Variants in SLC2A2 observed in about 807,000 individuals in gnomAD.
SLC2A2 encodes solute carrier family 2 member 2, also known as solute carrier family 2, facilitated glucose transporter member 2.
A neutral mutation model predicts 54.5 loss-of-function variants in SLC2A2; 36 were observed. The observed-to-expected ratio is 0.66, with a 90% CI of 0.51 to 0.87. The LOEUF is 0.87. Among genes scored for constraint, SLC2A2 ranks in the 40% least tolerant of loss-of-function variants. SLC2A2 has a pLI of 0.00. For synonymous variants in SLC2A2, 223 were observed against 219.1 expected (o/e 1.02, Z -0.16); for missense variants, 543 against 624.3 (o/e 0.87, Z 1.39).
chr3:170,997,880 T>C lies in SLC2A2; in HGVS notation c.*23A>G, dbSNP rs1408135344. 3 of 1,590,522 alleles carry C rather than the reference T, an allele frequency of 1.9e-6. No homozygotes were observed. In the African/African-American group the frequency reaches 4.0e-5, roughly 21 times the overall value. On this transcript the variant is annotated 3_prime_UTR_variant, in exon 11 of 11. Coordinates refer to ENST00000314251, the MANE Select transcript of SLC2A2 (RefSeq NM_000340.2). ...ACGGTTCCCTTATTGTTTCTGTTCA[T>C]GTCAAAAAGCAGGGTTTTTTTTTTA...
At chr3:171,008,623 C>A (rs978759403) in intron 4 of SLC2A2, among the ~76,000 whole-genome samples, 8 of 151,734 alleles carry the variant, frequency 5.3e-5, no homozygotes, top group African/African-American at 1.9e-4. Flanking sequence ...TCAATTTTAC[C>A]AAAAACATTT....
At chr3:171,000,253 G>GA (rs1715282205) in intron 8 of SLC2A2, among the ~76,000 whole-genome samples, 1 of 151,958 alleles carries the variant, frequency 6.6e-6, no homozygotes, top group South Asian at 2.1e-4. Flanking sequence ...AAGGAAGTTG[G>GA]AAAAAACAGA....
rs989671951 is a variant in SLC2A2 at position 170,997,655 on chromosome 3, A to G, written c.*248T>C. On this transcript the variant is annotated 3_prime_UTR_variant, in exon 11 of 11. Coordinates refer to ENST00000314251, the MANE Select transcript of SLC2A2 (RefSeq NM_000340.2). ...GAACAGAGCTAAAAATATTAGAACC[A>G]CCTGCCCTTTAGTGTAACAAAATAA... 7 of 481,404 alleles carry G rather than the reference A, an allele frequency of 1.5e-5. No individual in the cohort carries two copies. Among genetic ancestry groups the G allele is most frequent in the Non-Finnish European group, 2.6e-5 (7 of 272,348 alleles). 29.8% of individuals were successfully genotyped at this position (481,404 alleles called of 1,614,324 possible).
chr3:171,008,081 C>A (rs1177708703), intron 4 of SLC2A2, among the ~76,000 whole-genome samples: 1 of 151,988 alleles, frequency 6.6e-6, no homozygotes, highest in Non-Finnish European at 1.5e-5. Context: ...TATCGACAGG[C>A]AAGGCTGAAT....
chr3:171,003,561 G>A (rs1391592580), intron 7 of SLC2A2, among the ~76,000 whole-genome samples: 6 of 151,660 alleles, frequency 4.0e-5, no homozygotes, highest in Non-Finnish European at 7.4e-5. Flanking sequence ...GACTATTGAC[G>A]TTTTTAAAAA....
chr3:171,001,232 TTA>T (rs1715318602), intron 8 of SLC2A2, among the ~76,000 whole-genome samples: 1 of 152,072 alleles, frequency 6.6e-6, no homozygotes, highest in African/African-American at 2.4e-5. Context: ...GAAAATCCTA[TTA>T]TACACAAAAT....
At chr3:171,018,026 T>A (rs184545310) in intron 2 of SLC2A2, among the ~76,000 whole-genome samples, 2,690 of 152,228 alleles carry the variant, frequency 0.018, 77 homozygotes, top group African/African-American at 0.061. Flanking sequence ...TAGGGCTTCT[T>A]AAGGTTTTAA....
chr3:171,024,580 C>G (rs1270277340), intron 1 of SLC2A2, among the ~76,000 whole-genome samples: 1 of 152,158 alleles, frequency 6.6e-6, no homozygotes, highest in African/African-American at 2.4e-5. Flanking sequence ...GGTGATCTTG[C>G]ATGCAACTTT....
chr3:171,014,805 G>A, intron 2 of SLC2A2, 74 bp from the exon 3 acceptor site: 1 of 1,234,148 alleles, frequency 8.1e-7, no homozygotes, highest in Non-Finnish European at 1.2e-6. Flanking sequence ...TAAAGTGTTT[G>A]TTACGTGTTT....
rs531769199 is a variant in SLC2A2, at chr3:171,012,122, T to C, written c.372-2040A>G. Among the ~76,000 whole-genome samples, 17 of 152,272 alleles carry C rather than the reference T, an allele frequency of 1.1e-4. No homozygotes were observed. In the South Asian group the frequency reaches 1.7e-3, roughly 15 times the overall value. On this transcript the variant is annotated intron_variant, in intron 3 of 10. Transcript: ENST00000314251. ...GTCATGGTCATTGTCGTCATCATCATCATCATCATCATCATCAAAATGAGG... is the reference window on the plus strand; with the variant it reads ...GTCATGGTCATTGTCGTCATCATCACCATCATCATCATCATCAAAATGAGG...
At position 170,998,115 on chromosome 3, in the gene SLC2A2, G is replaced by T; in HGVS notation, c.1375-12C>A. 1 of 1,613,532 alleles carries T rather than the reference G, an allele frequency of 6.2e-7. No individual in the cohort carries two copies. Among genetic ancestry groups the T allele is most frequent in the Admixed American group, 1.7e-5 (1 of 59,864 alleles). On this transcript the variant is annotated splice_polypyrimidine_tract_variant and intron_variant, in intron 10 of 10. Coordinates refer to ENST00000314251, the MANE Select transcript of SLC2A2 (RefSeq NM_000340.2). ...GGTCCACAGAAGTCCTGGATAGAAA[G>T]CAAACACAGACTTTGAGTTAGCAGT...
intron 1 of SLC2A2, among the ~76,000 whole-genome samples, chr3:171,019,125 GTA>G (rs1716326440): frequency 2.0e-4 from 1 of 4,966 alleles, no homozygotes; most frequent in Non-Finnish European, 4.1e-4. Flanking sequence ...ATATATATAC[GTA>G]TGTATATATA....
At chr3:171,021,655 A>G (rs1313308332) in intron 1 of SLC2A2, among the ~76,000 whole-genome samples, 9 of 152,134 alleles carry the variant, frequency 5.9e-5, no homozygotes. Flanking sequence ...GTCTGGTATA[A>G]GTATCACTGG....
intron 1 of SLC2A2, among the ~76,000 whole-genome samples, chr3:171,022,177 TCA>T (rs1363336759): frequency 1.3e-5 from 2 of 152,232 alleles, no homozygotes; most frequent in Non-Finnish European, 1.5e-5. Context: ...GTTTAACATC[TCA>T]CAGTTAGTAA....
At chr3:170,998,954 C>A in intron 9 of SLC2A2, 111 bp downstream of exon 9, 1 of 782,684 alleles carries the variant, frequency 1.3e-6, no homozygotes, top group East Asian at 2.5e-5. Context: ...GGCTTTATTT[C>A]GTAAGTCAGT....
At chr3:171,019,299 G>T (rs1716344435) in intron 1 of SLC2A2, among the ~76,000 whole-genome samples, 1 of 151,800 alleles carries the variant, frequency 6.6e-6, no homozygotes, top group South Asian at 2.1e-4. Context: ...GTTGGATGTT[G>T]CCATGGTGAC....
At chr3:171,015,633 T>C (rs1360400040) in intron 2 of SLC2A2, among the ~76,000 whole-genome samples, 4 of 152,182 alleles carry the variant, frequency 2.6e-5, no homozygotes, top group Non-Finnish European at 4.4e-5. Context: ...AAAATCAAGT[T>C]AGCATACAGA....
At chr3:171,019,125 G>GTATATA (rs1716326440) in intron 1 of SLC2A2, among the ~76,000 whole-genome samples, 1 of 4,966 alleles carries the variant, frequency 2.0e-4, no homozygotes, top group Non-Finnish European at 4.1e-4. Flanking sequence ...ATATATATAC[G>GTATATA]TATGTATATA....
Position 171,002,609 on chromosome 3 carries a change from A to C in SLC2A2, c.1035T>G (p.Val345=). The C allele has an allele frequency of 6.2e-7, 1 of 1,611,134 alleles. No homozygotes were observed. Among genetic ancestry groups the C allele is most frequent in the South Asian group, 1.1e-5 (1 of 90,798 alleles). Residue 345 remains valine, a synonymous_variant, in exon 8 of 11, where the codon GTT becomes GTG. Transcript: ENST00000314251. ...ISKPVYATIG[V]GAVNMVFTAV... Reference sequence around the variant, plus strand: ...CAGTGAAAACCATGTTTACAGCGCCAACTCCAATGGTTGCATAAACAGGTT... The same window carrying C: ...CAGTGAAAACCATGTTTACAGCGCCCACTCCAATGGTTGCATAAACAGGTT...
Sources: gnomAD v4.1 joint callset for allele counts (sites outside exome capture counted in the v4.1 genomes callset) on GRCh38, gnomAD v4.1.1 for gene constraint, MANE v1.5 for transcripts, NCBI Gene and HGNC (gene_info 2026-07-23, HGNC 2026-07-21) for gene names.